The following LINGO2 variants were observed in gnomAD, a reference collection of about 807,000 sequenced individuals.
The protein encoded by LINGO2 is leucine-rich repeat and immunoglobulin-like domain-containing nogo receptor-interacting protein 2.
In LINGO2, 14 loss-of-function variants were observed where a neutral mutation model predicts 30.6. The observed-to-expected ratio is 0.46, with a 90% CI of 0.30 to 0.72. The LOEUF (loss-of-function observed/expected upper bound fraction) is 0.72. LINGO2 is among the 30% of genes least tolerant of loss of function. The pLI is 0.07. For synonymous variants in LINGO2, 317 were observed against 288.5 expected, an observed-to-expected ratio of 1.10 and a Z score of -1.00; for missense variants, 729 against 751.7, an observed-to-expected ratio of 0.97 and a Z score of 0.35.
At chr9:28,964,593 T>C in the LINGO2 span, among the ~76,000 whole-genome samples, 2 of 151,874 alleles carry the variant, frequency 1.3e-5, no homozygotes, top group Admixed American at 1.3e-4. Flanking sequence ...AGGAGTGACA[T>C]AGTCAGATTC....
chr9:28,957,568 G>A, the LINGO2 span, among the ~76,000 whole-genome samples: 1 of 152,132 alleles, frequency 6.6e-6, no homozygotes, highest in Non-Finnish European at 1.5e-5. Flanking sequence ...CCAGGTGGCA[G>A]TAATAAAGTC....
At chr9:28,561,353 G>A (rs1270727213) in intron 1 of LINGO2, among the ~76,000 whole-genome samples, 3 of 151,694 alleles carry the variant, frequency 2.0e-5, no homozygotes, top group Non-Finnish European at 2.9e-5. Flanking sequence ...TAGGAGATAC[G>A]AACCTGAGTA....
At chr9:28,564,428 C>T (rs1255206729) in intron 1 of LINGO2, among the ~76,000 whole-genome samples, 1 of 152,070 alleles carries the variant, frequency 6.6e-6, no homozygotes, top group Non-Finnish European at 1.5e-5. Flanking sequence ...CTTCACCAGA[C>T]TTACAGGCAC....
At chr9:28,448,422 C>T (rs1031296555) in intron 2 of LINGO2, among the ~76,000 whole-genome samples, 9 of 152,094 alleles carry the variant, frequency 5.9e-5, no homozygotes, top group Non-Finnish European at 1.2e-4. Flanking sequence ...TTTCAAGGCT[C>T]ATATTTTGAA....
intron 5 of LINGO2, among the ~76,000 whole-genome samples, chr9:27,985,229 GTA>G (rs1244468251): frequency 6.6e-6 from 1 of 151,802 alleles, no homozygotes; most frequent in African/African-American, 2.4e-5. Context: ...TATACAACAT[GTA>G]TTTTTCTTCC....
chr9:27,947,211 A>G (rs1823399063), downstream of LINGO2, among the ~76,000 whole-genome samples: 1 of 152,182 alleles, frequency 6.6e-6, no homozygotes, highest in Admixed American at 6.5e-5. Context: ...TCACATAACC[A>G]TATGCTTTGA....
At chr9:28,675,398 G>A in the LINGO2 span, among the ~76,000 whole-genome samples, 46 of 152,090 alleles carry the variant, frequency 3.0e-4, no homozygotes, top group Non-Finnish European at 5.3e-4. Flanking sequence ...TCAATATTTC[G>A]TGATTGTTAA....
At chr9:28,327,180 G>C (rs1002943218) in intron 3 of LINGO2, among the ~76,000 whole-genome samples, 2 of 152,086 alleles carry the variant, frequency 1.3e-5, no homozygotes, top group African/African-American at 4.8e-5. Context: ...CACTCATTCT[G>C]CTGCTGCCTT....
At chr9:28,641,459 C>T (rs1827575495) in intron 1 of LINGO2, among the ~76,000 whole-genome samples, 1 of 152,160 alleles carries the variant, frequency 6.6e-6, no homozygotes, top group Non-Finnish European at 1.5e-5. Flanking sequence ...AAGAAAGTCA[C>T]TAGTGAAAGG....
At chr9:29,171,089 C>T in the LINGO2 span, among the ~76,000 whole-genome samples, 1 of 152,014 alleles carries the variant, frequency 6.6e-6, no homozygotes, top group African/African-American at 2.4e-5. Context: ...AATTGTAGTA[C>T]CGGACATGCA....
At chr9:29,084,013 T>G in the LINGO2 span, among the ~76,000 whole-genome samples, 1 of 152,078 alleles carries the variant, frequency 6.6e-6, no homozygotes, top group African/African-American at 2.4e-5. Flanking sequence ...TGTTCATTAC[T>G]CTGGAAGAAT....
intron 1 of LINGO2, among the ~76,000 whole-genome samples, chr9:28,490,162 G>T (rs1415606457): frequency 1.3e-5 from 2 of 152,024 alleles, no homozygotes; most frequent in African/African-American, 4.8e-5. Context: ...AAACTTCTAG[G>T]TAGAGTTAGG....
At chr9:28,714,254 T>G in the LINGO2 span, among the ~76,000 whole-genome samples, 1 of 150,166 alleles carries the variant, frequency 6.7e-6, no homozygotes, top group African/African-American at 2.5e-5. Flanking sequence ...CTACAGTCAT[T>G]AACATCTTCT....
the LINGO2 span, among the ~76,000 whole-genome samples, chr9:28,771,506 T>TGTGTGA: frequency 8.4e-5 from 8 of 95,148 alleles, no homozygotes; most frequent in African/African-American, 9.9e-5. Context: ...TGTGTGTGTG[T>TGTGTGA]GAGAGAGAGA....
At chr9:28,113,368 G>T (rs1427177721) in intron 4 of LINGO2, among the ~76,000 whole-genome samples, 1 of 93,334 alleles carries the variant, frequency 1.1e-5, no homozygotes, top group Non-Finnish European at 2.1e-5. Flanking sequence ...TTGCTCTTTT[G>T]GCTTAGGATT....
At chr9:28,992,022 C>A in the LINGO2 span, among the ~76,000 whole-genome samples, 1 of 151,456 alleles carries the variant, frequency 6.6e-6, no homozygotes, top group South Asian at 2.1e-4. Flanking sequence ...ACAATATTAA[C>A]TTTAAATGTA....
chr9:27,969,940 C>T (rs1417538892), intron 5 of LINGO2, among the ~76,000 whole-genome samples: 1 of 152,088 alleles, frequency 6.6e-6, no homozygotes, highest in Non-Finnish European at 1.5e-5. Context: ...AAACTAAGCC[C>T]TATCCCTCAA....
At chr9:29,040,981 T>C in the LINGO2 span, among the ~76,000 whole-genome samples, 6 of 152,062 alleles carry the variant, frequency 3.9e-5, no homozygotes, top group African/African-American at 1.4e-4. Context: ...AAGCTCAGTT[T>C]CCTCTTCCTT....
At chr9:28,094,528 T>TGAGA (rs748059897) in intron 4 of LINGO2, among the ~76,000 whole-genome samples, 1 of 150,406 alleles carries the variant, frequency 6.6e-6, no homozygotes, top group East Asian at 2.0e-4. Flanking sequence ...TGTGTGTGTG[T>TGAGA]GAGAGAGAGA....
Sources: gnomAD v4.1 joint callset for allele counts (sites outside exome capture counted in the v4.1 genomes callset) on GRCh38, gnomAD v4.1.1 for gene constraint, MANE v1.5 for transcripts, NCBI Gene and HGNC (gene_info 2026-07-23, HGNC 2026-07-21) for gene names.